MTO1: variants seen among roughly 807,000 people sequenced by gnomAD.
MTO1 encodes mitochondrial tRNA translation optimization 1, also known as 5-taurinomethyluridine-[tRNA] synthase subunit MTO1, mitochondrial.
Under a neutral mutation model 71.6 loss-of-function variants are expected in MTO1, and 46 were observed. The ratio of observed to expected loss-of-function variants is 0.64; its 90% CI spans 0.51 to 0.82. The LOEUF (loss-of-function observed/expected upper bound fraction) is 0.82, where lower values mean the gene tolerates loss of function less well. MTO1 is among the 40% of genes least tolerant of loss of function. MTO1 has a pLI of 0.00. For synonymous variants in MTO1, 297 were observed against 312.1 expected (o/e 0.95, Z 0.51); for missense variants, 773 against 867.5 (o/e 0.89, Z 1.37).
In MTO1 at chr6:73,466,368, G is replaced by C. The variant is rs752970932; in HGVS notation, c.377G>C (p.Arg126Thr). Reference protein sequence around the residue: ...RRKGPAVWGLRAQIDRKLYKQ... With the variant: ...RRKGPAVWGLTAQIDRKLYKQ... Reference sequence around the variant, plus strand: ...AAGGGACCAGCTGTGTGGGGTCTGAGAGCTCAGATTGATAGGAAACTCTAT... The same window carrying C: ...AAGGGACCAGCTGTGTGGGGTCTGACAGCTCAGATTGATAGGAAACTCTAT... Residue 126 changes from arginine to threonine, a missense_variant, in exon 2 of 12, where the codon AGA (arginine) becomes ACA (threonine). Coordinates refer to ENST00000498286, the MANE Select transcript of MTO1 (RefSeq NM_012123.4). 6.2e-7 allele frequency: 1 copy of C among 1,614,030 alleles called. No homozygotes were observed. The highest frequency in any genetic ancestry group is 1.3e-5 in the African/African-American group (1 of 74,914).
In MTO1 at chr6:73,482,208, C is replaced by T. The variant is rs1033653237; in HGVS notation, c.1429C>T (p.Arg477Cys). Reference protein sequence around the residue: ...TSRVEFRLSLRPDNADSRLTL... With the variant: ...TSRVEFRLSLCPDNADSRLTL... Reference sequence around the variant, plus strand: ...CCGAGTAGAGTTCCGTTTGTCACTGCGCCCTGATAATGCTGACAGCCGGCT... The same window carrying T: ...CCGAGTAGAGTTCCGTTTGTCACTGTGCCCTGATAATGCTGACAGCCGGCT... Residue 477 changes from arginine to cysteine, a missense_variant, in exon 8 of 12, where the codon CGC (arginine) becomes TGC (cysteine). Physicochemically the swap from Arg to Cys is radical, Grantham distance 180. Coordinates refer to ENST00000498286, the MANE Select transcript of MTO1 (RefSeq NM_012123.4). The T allele has an allele frequency of 3.7e-6, 6 of 1,614,124 alleles. No homozygotes were observed. The highest frequency in any genetic ancestry group is 2.2e-5 in the South Asian group (2 of 91,090).
At chr6:73,477,848 G>A (rs145599186) in intron 4 of MTO1, among the ~76,000 whole-genome samples, 239 of 152,104 alleles carry the variant, frequency 1.6e-3, no homozygotes, top group African/African-American at 5.0e-3. Context: ...CATGCATTGC[G>A]TTTAATTGTC....
In MTO1 at chr6:73,466,047, T is replaced by C. The variant is rs961504558; in HGVS notation, c.218-162T>C. Among the ~76,000 whole-genome samples the C allele has an allele frequency of 3.3e-5, 5 of 152,346 alleles. No homozygotes were observed. The South Asian group carries it at 1.0e-3, about 32-fold the overall frequency. On this transcript the variant is annotated intron_variant, in intron 1 of 11. Transcript: ENST00000498286. ...CCAGGTTGCCCTGGACACTTTTGCA[T>C]CCCATTGGGTCTTTGGGATTTTCTT...
intron 4 of MTO1, among the ~76,000 whole-genome samples, chr6:73,477,846 G>A (rs752350167): frequency 5.9e-5 from 9 of 152,042 alleles, no homozygotes; most frequent in Non-Finnish European, 1.2e-4. Flanking sequence ...GTCATGCATT[G>A]CGTTTAATTG....
At chr6:73,486,958 A>G (rs1030681000) in intron 9 of MTO1, among the ~76,000 whole-genome samples, 1 of 151,864 alleles carries the variant, frequency 6.6e-6, no homozygotes, top group African/African-American at 2.4e-5. Flanking sequence ...CCCATTCTCT[A>G]TAATAATAAT....
chr6:73,466,954 A>T (rs1006951573), intron 3 of MTO1, among the ~76,000 whole-genome samples: 4 of 151,586 alleles, frequency 2.6e-5, no homozygotes, highest in African/African-American at 4.8e-5. Context: ...GCTTATATAT[A>T]TTTTTATGTA....
intron 3 of MTO1, among the ~76,000 whole-genome samples, chr6:73,467,412 C>G (rs1196238453): frequency 4.6e-5 from 7 of 152,000 alleles, no homozygotes; most frequent in Non-Finnish European, 8.8e-5. Flanking sequence ...GTTGGGAGTT[C>G]AAGACCAGCC....
rs1772333363 is a variant in MTO1, at chr6:73,507,947, A to G, written c.*7212A>G. On this transcript the variant is annotated 3_prime_UTR_variant, in exon 12 of 12. Transcript: ENST00000498286. Reference sequence around the variant, plus strand: ...AGCCGAGATCGCGCCACTGCACTCTAGCCTGGGCGACAAAGCGAGACTCTG... The same window carrying G: ...AGCCGAGATCGCGCCACTGCACTCTGGCCTGGGCGACAAAGCGAGACTCTG... The G allele has an allele frequency of 7.0e-6, 1 of 143,010 alleles. No individual in the cohort carries two copies. The highest frequency in any genetic ancestry group is 2.6e-5 in the African/African-American group (1 of 38,094). 8.9% of individuals were successfully genotyped at this position (143,010 alleles called of 1,614,324 possible). A position where few individuals can be genotyped will look rare whatever the true frequency, so the allele number is the denominator to read the frequency against.
At chr6:73,497,078 C>T (rs1177809043) in intron 10 of MTO1, among the ~76,000 whole-genome samples, 2 of 150,046 alleles carry the variant, frequency 1.3e-5, no homozygotes, top group African/African-American at 4.9e-5. Context: ...TAGCTTATCT[C>T]TAGGACATAA....
chr6:73,497,901 G>A lies in MTO1; in HGVS notation c.1917+5G>A. 1 of 1,602,532 alleles carries A rather than the reference G, an allele frequency of 6.2e-7. No individual in the cohort carries two copies. Among genetic ancestry groups the A allele is most frequent in the East Asian group, 2.2e-5 (1 of 44,632 alleles). On this transcript the variant is annotated splice_donor_5th_base_variant and intron_variant, in intron 11 of 11. Coordinates refer to ENST00000498286, the MANE Select transcript of MTO1 (RefSeq NM_012123.4). ...CATTTTAGTCGTCCACAGACGGTAA[G>A]AAAATAGGCAGGAGAATAGAAACAA...
In MTO1 at chr6:73,502,895, CAAAAAAA is replaced by C. The variant is rs368546349; in HGVS notation, c.*2167_*2173del. The C allele has an allele frequency of 7.7e-6, 1 of 129,988 alleles. No individual in the cohort carries two copies. Among genetic ancestry groups the C allele is most frequent in the African/African-American group, 2.9e-5 (1 of 34,458 alleles). The allele number at this position is 129,988 out of a possible 1,614,324, so 8.1% of individuals were successfully genotyped here. A position where few individuals can be genotyped will look rare whatever the true frequency, so the allele number is the denominator to read the frequency against. ...CTGGCAACAGAGTGAGACTCTGTCT[CAAAAAAA>C]AAAAAAGAAACAGGAAGTTCAAATA... On this transcript the variant is annotated 3_prime_UTR_variant, in exon 12 of 12. Coordinates refer to ENST00000498286, the MANE Select transcript of MTO1 (RefSeq NM_012123.4).
At chr6:73,498,170 G>A (rs1167487147) in intron 11 of MTO1, among the ~76,000 whole-genome samples, 1 of 151,610 alleles carries the variant, frequency 6.6e-6, no homozygotes, top group South Asian at 2.1e-4. Flanking sequence ...ATGATTGCAC[G>A]ACTGCACTCC....
intron 3 of MTO1, 74 bp downstream of exon 3, chr6:73,466,680 G>A: frequency 2.3e-6 from 3 of 1,332,824 alleles, no homozygotes; most frequent in South Asian, 1.2e-5. Context: ...TTAGAGCAAA[G>A]TGTGGAGATA....
At chr6:73,475,961 CA>C (rs1379235293) in intron 4 of MTO1, among the ~76,000 whole-genome samples, 1 of 152,188 alleles carries the variant, frequency 6.6e-6, no homozygotes, top group African/African-American at 2.4e-5. Flanking sequence ...TTGCCCATTA[CA>C]CAATGCATTT....
chr6:73,493,462 C>G (rs1389336795), intron 10 of MTO1, among the ~76,000 whole-genome samples: 2 of 150,664 alleles, frequency 1.3e-5, no homozygotes, highest in African/African-American at 4.9e-5. Flanking sequence ...GCAATCTTGG[C>G]TCACTGCAAC....
chr6:73,463,822 C>T (rs1357005245), intron 1 of MTO1, among the ~76,000 whole-genome samples: 1 of 152,052 alleles, frequency 6.6e-6, no homozygotes, highest in Non-Finnish European at 1.5e-5. Flanking sequence ...CTCACTGCAA[C>T]CTCCACCTCC....
At chr6:73,492,968 A>ATGTGTG (rs368351300) in intron 10 of MTO1, among the ~76,000 whole-genome samples, 11,605 of 67,836 alleles carry the variant, frequency 0.17, 1,357 homozygotes, top group East Asian at 0.24. Context: ...TATATAATAT[A>ATGTGTG]TGTGTGTGTG....
Position 73,507,870 on chromosome 6 carries a change from G to C in MTO1, c.*7135G>C, listed in dbSNP as rs186612362. The C allele has an allele frequency of 6.6e-6, 1 of 152,000 alleles. No individual in the cohort carries two copies. Among genetic ancestry groups the C allele is most frequent in the East Asian group, 1.9e-4 (1 of 5,176 alleles). 9.4% of individuals were successfully genotyped at this position (152,000 alleles called of 1,614,324 possible). On this transcript the variant is annotated 3_prime_UTR_variant, in exon 12 of 12. Coordinates refer to ENST00000498286, the MANE Select transcript of MTO1 (RefSeq NM_012123.4). ...TGCGCGCCTGTAGTCCCAGCTACTC[G>C]GGAGGCTGAGGCAGGAGAATGGCGT...
At chr6:73,464,587 C>A (rs543557764) in intron 1 of MTO1, among the ~76,000 whole-genome samples, 35 of 151,344 alleles carry the variant, frequency 2.3e-4, no homozygotes, top group Admixed American at 9.2e-4. Flanking sequence ...CGAGACCAGC[C>A]TGACCAACAT....
Sources: gnomAD v4.1 joint callset for allele counts (sites outside exome capture counted in the v4.1 genomes callset) on GRCh38, gnomAD v4.1.1 for gene constraint, MANE v1.5 for transcripts, NCBI Gene and HGNC (gene_info 2026-07-23, HGNC 2026-07-21) for gene names.